PAMR1: variants seen among roughly 807,000 people sequenced by gnomAD.
PAMR1 encodes the protein inactive serine protease PAMR1.
Under a neutral mutation model 81.8 loss-of-function variants are expected in PAMR1, and 88 were observed. The ratio of observed to expected loss-of-function variants is 1.08; its 90% confidence interval spans 0.91 to 1.28. PAMR1 has a LOEUF of 1.28. Ranked by LOEUF, PAMR1 falls within the 50% of genes most tolerant of loss-of-function variation. The probability of loss-of-function intolerance (pLI) is 0.00; values close to 1 mark genes in which losing one functional copy is unlikely to be tolerated. For missense variants in PAMR1, 935 were observed against 919.7 expected (o/e 1.02, Z -0.21); for synonymous variants, 336 against 345.3 (o/e 0.97, Z 0.30).
rs370631386 is a variant in PAMR1, at chr11:35,432,512, C to A, written c.2007G>T (p.Ala669=). Residue 669 remains alanine, a synonymous_variant, in exon 11 of 11, where the codon GCG becomes GCT. Transcript: ENST00000619888. ...DICTAETGGI[A]AVSFPGRASP... Reference sequence around the variant, plus strand: ...ATGCTCGTCCCGGGAAGGACACAGCCGCGATGCCTCCTGTCTCTGCAGTGC... The same window carrying A: ...ATGCTCGTCCCGGGAAGGACACAGCAGCGATGCCTCCTGTCTCTGCAGTGC... 1 of 1,614,098 alleles carries A rather than the reference C, an allele frequency of 6.2e-7. No individual in the cohort carries two copies. The highest frequency in any genetic ancestry group is 1.7e-5 in the Admixed American group (1 of 60,008).
chr11:35,450,473 A>G (rs1856391622), intron 6 of PAMR1, among the ~76,000 whole-genome samples: 1 of 152,214 alleles, frequency 6.6e-6, no homozygotes, highest in African/African-American at 2.4e-5. Context: ...TAATGCTTCA[A>G]GTGGACTCAC....
chr11:35,467,075 G>A (rs937655642), intron 6 of PAMR1, among the ~76,000 whole-genome samples: 5 of 152,032 alleles, frequency 3.3e-5, no homozygotes, highest in Admixed American at 6.5e-5. Flanking sequence ...AGGGCAGCCC[G>A]CACCCAATGA....
chr11:35,470,331 T>C lies in PAMR1; in HGVS notation c.712+270A>G, dbSNP rs116473561. On this transcript the variant is annotated intron_variant, in intron 5 of 10. Coordinates refer to ENST00000619888, the MANE Select transcript of PAMR1 (RefSeq NM_001001991.3). ...GGGTACAAATCCCTAGTTCTGCCCC[T>C]ATATCTGTGTGACCTTGGACAAGTC... Among the ~76,000 whole-genome samples the C allele has an allele frequency of 4.2e-3, 646 of 152,316 alleles. 4 individuals carry two copies. The highest frequency in any genetic ancestry group is 0.015 in the African/African-American group (619 of 41,574).
chr11:35,432,646 C>A lies in PAMR1; in HGVS notation c.1873G>T (p.Val625Leu), dbSNP rs755000531. 6.2e-7 allele frequency: 1 copy of A among 1,614,022 alleles called. No individual in the cohort carries two copies. Among genetic ancestry groups the A allele is most frequent in the Non-Finnish European group, 8.5e-7 (1 of 1,179,908 alleles). Residue 625 changes from valine to leucine, a missense_variant, in exon 11 of 11, where the codon GTG (valine) becomes TTG (leucine). Physicochemically the swap from Val to Leu is conservative, Grantham distance 32. Transcript: ENST00000619888. The stretch of plus-strand genomic sequence containing the variant: ...TGCTCCTCACACAGCAGCGAGTCCA[C>A]CACACTGACCACCCCAGAGCGCAGT... ...DTLRSGVVSV[V>L]DSLLCEEQHE...
At chr11:35,447,403 G>A (rs919543966) in intron 6 of PAMR1, among the ~76,000 whole-genome samples, 1 of 151,832 alleles carries the variant, frequency 6.6e-6, no homozygotes, top group Non-Finnish European at 1.5e-5. Context: ...ACAGGGTTTC[G>A]CCATGTTAGC....
At position 35,484,000 on chromosome 11, in the gene PAMR1, A is replaced by G. The variant is rs114656949; in HGVS notation, c.379+8045T>C. ...TATTATCTTTCTTCTCTGGCCCTAT[A>G]TTGATTTCTTCCCCTGCCACCCAAA... On this transcript the variant is annotated intron_variant, in intron 3 of 10. Transcript: ENST00000619888. Among the ~76,000 whole-genome samples the G allele has an allele frequency of 5.6e-4, 86 of 152,268 alleles. 1 individual carries two copies. Among genetic ancestry groups the G allele is most frequent in the African/African-American group, 2.0e-3 (85 of 41,550 alleles).
At chr11:35,518,903 T>C (rs924252603) in intron 1 of PAMR1, among the ~76,000 whole-genome samples, 6 of 152,276 alleles carry the variant, frequency 3.9e-5, no homozygotes, top group Non-Finnish European at 8.8e-5. Context: ...TAAAGTTAGC[T>C]AAATGTGTTC....
In PAMR1 at chr11:35,458,765, C is replaced by T. The variant is rs576187108; in HGVS notation, c.820+9236G>A. 9.8e-5 allele frequency among the ~76,000 whole-genome samples: 15 copies of T among 152,356 alleles called. No individual in the cohort carries two copies. The East Asian group carries it at 2.1e-3, about 22-fold the overall frequency. Reference sequence around the variant, plus strand: ...TGGTTCTGTTTAGAAAAGGCATTAACTTTCTCATCAGGGCATTGTTCATCC... The same window carrying T: ...TGGTTCTGTTTAGAAAAGGCATTAATTTTCTCATCAGGGCATTGTTCATCC... On this transcript the variant is annotated intron_variant, in intron 6 of 10. Coordinates refer to ENST00000619888, the MANE Select transcript of PAMR1 (RefSeq NM_001001991.3).
intron 1 of PAMR1, among the ~76,000 whole-genome samples, chr11:35,515,419 G>A (rs538209161): frequency 6.6e-6 from 1 of 152,306 alleles, no homozygotes; most frequent in East Asian, 1.9e-4. Flanking sequence ...TGTCCAATGG[G>A]TCCCGAAGCC....
chr11:35,474,465 A>G (rs986604559), intron 4 of PAMR1, among the ~76,000 whole-genome samples, 165 bp downstream of exon 4: 1 of 152,232 alleles, frequency 6.6e-6, no homozygotes, highest in African/African-American at 2.4e-5. Flanking sequence ...ACAAGCATTT[A>G]GTTGGCTGCA....
chr11:35,447,648 A>C (rs964353078), intron 6 of PAMR1, among the ~76,000 whole-genome samples: 2 of 152,172 alleles, frequency 1.3e-5, no homozygotes, highest in African/African-American at 4.8e-5. Flanking sequence ...TTTACATTTA[A>C]GGTTAATATC....
chr11:35,479,624 A>C (rs1850346916), intron 3 of PAMR1, among the ~76,000 whole-genome samples: 1 of 152,140 alleles, frequency 6.6e-6, no homozygotes, highest in Non-Finnish European at 1.5e-5. Context: ...ACTGGCTAGA[A>C]CCCTAAACCC....
chr11:35,435,294 A>T (rs1288866077), intron 9 of PAMR1, among the ~76,000 whole-genome samples: 1 of 152,226 alleles, frequency 6.6e-6, no homozygotes, highest in Non-Finnish European at 1.5e-5. Flanking sequence ...CCTAATCCGG[A>T]CACTTTGACA....
At chr11:35,496,854 G>C (rs775095295) in intron 1 of PAMR1, among the ~76,000 whole-genome samples, 4 of 152,144 alleles carry the variant, frequency 2.6e-5, no homozygotes, top group African/African-American at 4.8e-5. Flanking sequence ...TCCATCAAGA[G>C]ACAAATGGAT....
At chr11:35,514,705 G>A (rs755975909) in intron 1 of PAMR1, among the ~76,000 whole-genome samples, 10 of 152,158 alleles carry the variant, frequency 6.6e-5, no homozygotes, top group Admixed American at 1.3e-4. Flanking sequence ...AATATTTGGC[G>A]GCCAGGTGTG....
At chr11:35,465,815 T>C (rs1189899234) in intron 6 of PAMR1, among the ~76,000 whole-genome samples, 3 of 152,248 alleles carry the variant, frequency 2.0e-5, no homozygotes, top group East Asian at 1.9e-4. Context: ...TCTATGCTGA[T>C]GCTTTAAAGT....
chr11:35,466,644 G>A (rs1405629325), intron 6 of PAMR1, among the ~76,000 whole-genome samples: 10 of 144,848 alleles, frequency 6.9e-5, no homozygotes, highest in South Asian at 2.2e-4. Context: ...GGAGAATGGC[G>A]TGAACCCAGG....
At position 35,492,056 on chromosome 11, in the gene PAMR1, C is replaced by A; in HGVS notation, c.368G>T (p.Gly123Val). The A allele has an allele frequency of 6.2e-7, 1 of 1,613,426 alleles. No individual in the cohort carries two copies. Among genetic ancestry groups the A allele is most frequent in the Non-Finnish European group, 8.5e-7 (1 of 1,179,634 alleles). ...CAAGGTCTACTTACGCATGCAGTCT[C>A]CTCCGTACCAGCCTGCTCGGCACTC... ...CAECRAGWYGGDCMRCGQVLR... is the reference protein window; with the variant it reads ...CAECRAGWYGVDCMRCGQVLR... Residue 123 changes from glycine to valine, a missense_variant, in exon 3 of 11, where the codon GGA (glycine) becomes GTA (valine). Physicochemically the swap from Gly to Val is moderately radical, Grantham distance 109. Coordinates refer to ENST00000619888, the MANE Select transcript of PAMR1 (RefSeq NM_001001991.3).
At chr11:35,492,321 C>T (rs1850647005) in intron 2 of PAMR1, 148 bp from the exon 3 acceptor site, 1 of 833,568 alleles carries the variant, frequency 1.2e-6, no homozygotes, top group Non-Finnish European at 1.9e-6. Flanking sequence ...GAGGAAGAAC[C>T]TCTCATCTCA....
Sources: gnomAD v4.1 joint callset for allele counts (sites outside exome capture counted in the v4.1 genomes callset) on GRCh38, gnomAD v4.1.1 for gene constraint, MANE v1.5 for transcripts, NCBI Gene and HGNC (gene_info 2026-07-23, HGNC 2026-07-21) for gene names.